The following SPI1 variants were observed in gnomAD, a reference collection of about 807,000 sequenced individuals.
SPI1 encodes transcription factor PU.1.
A neutral mutation model predicts 30.7 loss-of-function variants in SPI1; 3 were observed. That is an observed-to-expected ratio of 0.10 (90% CI 0.04 to 0.25). The LOEUF (loss-of-function observed/expected upper bound fraction) is 0.25, where lower values mean the gene tolerates loss of function less well. Ranked by LOEUF, SPI1 falls within the 10% of genes least tolerant of loss-of-function variation. SPI1 has a pLI of 1.00. For missense variants in SPI1, 261 were observed against 371.5 expected, an observed-to-expected ratio of 0.70 and a Z score of 2.45; for synonymous variants, 169 against 157.1, an observed-to-expected ratio of 1.08 and a Z score of -0.56.
chr11:47,365,697 TTTTTA>T (rs1565641144), intron 2 of SPI1, among the ~76,000 whole-genome samples: 1 of 151,880 alleles, frequency 6.6e-6, no homozygotes, highest in Non-Finnish European at 1.5e-5. Flanking sequence ...GCTGAGAGAT[TTTTTA>T]TTTTATTTTT....
In SPI1 at chr11:47,371,650, A is replaced by G. The variant is rs2095936171; in HGVS notation, c.142+3983T>C. On this transcript the variant is annotated intron_variant, in intron 2 of 4. Coordinates refer to ENST00000378538, the MANE Select transcript of SPI1 (RefSeq NM_003120.3). ...CCACTGCACTCCAGCCTGGGCAACAAGAGTGAAACTCCGTCTTAAAAAAAA... is the reference window on the plus strand; with the variant it reads ...CCACTGCACTCCAGCCTGGGCAACAGGAGTGAAACTCCGTCTTAAAAAAAA... 1.4e-5 allele frequency among the ~76,000 whole-genome samples: 2 copies of G among 147,106 alleles called. 1 individual carries two copies. Among genetic ancestry groups the G allele is most frequent in the South Asian group, 4.3e-4 (2 of 4,658 alleles).
rs2095945202 is a variant in SPI1 at position 47,378,362 on chromosome 11, G to A, written c.-9C>T. 1 of 1,611,986 alleles carries A rather than the reference G, an allele frequency of 6.2e-7. No homozygotes were observed. The highest frequency in any genetic ancestry group is 1.1e-5 in the South Asian group (1 of 90,616). Reference sequence around the variant, plus strand: ...TTGCACGCCTGTAACATCCAGCCGGGCTCCGAGTCGGTCAGATCCCCTGCC... The same window carrying A: ...TTGCACGCCTGTAACATCCAGCCGGACTCCGAGTCGGTCAGATCCCCTGCC... On this transcript the variant is annotated 5_prime_UTR_variant, in exon 1 of 5. Coordinates refer to ENST00000378538, the MANE Select transcript of SPI1 (RefSeq NM_003120.3).
chr11:47,366,479 G>T (rs1279430834), intron 2 of SPI1, among the ~76,000 whole-genome samples: 1 of 152,040 alleles, frequency 6.6e-6, no homozygotes, highest in African/African-American at 2.4e-5. Flanking sequence ...GAAAGGAGGG[G>T]CCAAGAAAAA....
intron 4 of SPI1, chr11:47,358,129 C>A: frequency 4.9e-6 from 1 of 205,114 alleles, no homozygotes; most frequent in South Asian, 8.2e-5. Context: ...TCACACACAC[C>A]TGCTTACATA....
chr11:47,369,209 G>A (rs536769944), intron 2 of SPI1, among the ~76,000 whole-genome samples: 5 of 152,204 alleles, frequency 3.3e-5, no homozygotes, highest in East Asian at 3.9e-4. Context: ...CCGAGATCAC[G>A]CCACTGCACT....
intron 4 of SPI1, among the ~76,000 whole-genome samples, chr11:47,357,126 CACCTCACACATGCTCACACCTCAT>C (rs1232692671): frequency 1.3e-5 from 2 of 151,212 alleles, no homozygotes; most frequent in African/African-American, 4.9e-5. Flanking sequence ...CACATGCTCA[CACCTCACACATGCTCACACCTCAT>C]ACCTCACACA....
At chr11:47,373,363 A>AC (rs1055748095) in intron 2 of SPI1, among the ~76,000 whole-genome samples, 5 of 147,074 alleles carry the variant, frequency 3.4e-5, no homozygotes, top group African/African-American at 1.3e-4. Context: ...AAAAAAAGGG[A>AC]CAGACTGGGC....
At chr11:47,376,830 G>C (rs1231386640) in intron 1 of SPI1, among the ~76,000 whole-genome samples, 1 of 152,086 alleles carries the variant, frequency 6.6e-6, no homozygotes, top group Non-Finnish European at 1.5e-5. Flanking sequence ...GGCTGCCTTG[G>C]GAGCCCACCC....
intron 4 of SPI1, chr11:47,358,410 A>T: frequency 1.6e-6 from 1 of 627,722 alleles, no homozygotes; most frequent in Non-Finnish European, 2.9e-6. Context: ...AGCTGCTCAC[A>T]CGCACTGAAA....
intron 4 of SPI1, among the ~76,000 whole-genome samples, chr11:47,356,909 CTT>C (rs1491428487): frequency 1.4e-5 from 2 of 141,190 alleles, no homozygotes; most frequent in African/African-American, 5.0e-5. Context: ...TGCTCACACA[CTT>C]GTGCTCACAC....
chr11:47,369,932 C>T lies in SPI1; in HGVS notation c.142+5701G>A, dbSNP rs571851129. Among the ~76,000 whole-genome samples the T allele has an allele frequency of 6.6e-5, 10 of 152,312 alleles. No individual in the cohort carries two copies. The East Asian group carries it at 1.2e-3, about 18-fold the overall frequency. ...TCTAAGCATTTGACATACAGTAGCT[C>T]GTTCAGTCCTTACAGCCATCCTGTG... is the stretch of plus-strand genomic sequence containing the variant. On this transcript the variant is annotated intron_variant, in intron 2 of 4. Transcript: ENST00000378538.
At chr11:47,367,355 A>G (rs1209758791) in intron 2 of SPI1, among the ~76,000 whole-genome samples, 3 of 152,010 alleles carry the variant, frequency 2.0e-5, no homozygotes, top group Non-Finnish European at 4.4e-5. Flanking sequence ...GGAGTTTGAG[A>G]CCAGCCTGGT....
chr11:47,360,773 C>A (rs1421318643), intron 2 of SPI1, among the ~76,000 whole-genome samples: 1 of 149,400 alleles, frequency 6.7e-6, no homozygotes, highest in Non-Finnish European at 1.5e-5. Context: ...AGCAGTGAGC[C>A]GAGATTGCGC....
chr11:47,372,088 G>T (rs190236622), intron 2 of SPI1, among the ~76,000 whole-genome samples: 4 of 151,860 alleles, frequency 2.6e-5, no homozygotes, highest in African/African-American at 9.7e-5. Context: ...TGCAGAAAAT[G>T]GTCTCTTTGT....
rs771705658 is a variant in SPI1, at chr11:47,355,506, G to A, written c.534C>T (p.Asp178=). ...CCTTCATGTCGCCGCTGCGGAGCAG[G>A]TCCAACAGGAACTGGTACAGGCGGA... The part of the protein sequence containing the change: ...KKIRLYQFLL[D]LLRSGDMKDS... The change falls in exon 5 of 5, where the codon GAC becomes GAT. Residue 178 remains aspartate, a synonymous_variant. Coordinates refer to ENST00000378538, the MANE Select transcript of SPI1 (RefSeq NM_003120.3). 1.9e-6 allele frequency: 3 copies of A among 1,608,798 alleles called. No homozygotes were observed. Among genetic ancestry groups the A allele is most frequent in the Non-Finnish European group, 2.5e-6 (3 of 1,177,336 alleles).
intron 2 of SPI1, among the ~76,000 whole-genome samples, chr11:47,360,536 T>C (rs930003945): frequency 1.1e-4 from 17 of 152,072 alleles, no homozygotes; most frequent in African/African-American, 3.6e-4. Context: ...TGTTAAAACC[T>C]CCCAGCCAGG....
At chr11:47,372,765 C>T (rs1019127551) in intron 2 of SPI1, among the ~76,000 whole-genome samples, 6 of 152,278 alleles carry the variant, frequency 3.9e-5, no homozygotes, top group Middle Eastern at 3.4e-3. Flanking sequence ...GTCCTCTGCA[C>T]GTTACCTTAC....
chr11:47,357,494 GCT>G (rs1245379857), intron 4 of SPI1, among the ~76,000 whole-genome samples: 5 of 150,552 alleles, frequency 3.3e-5, no homozygotes, highest in African/African-American at 7.3e-5. Context: ...CACACATTCT[GCT>G]CTCACATCCA....
Position 47,355,234 on chromosome 11 carries a change from G to A in SPI1, c.806C>T (p.Pro269Leu). Reference protein sequence around the residue: ...RGGLAERRHPPH With the variant: ...RGGLAERRHPLH ...CCGGCGGGGGCTGCGGGCTCAGTGG[G>A]GCGGGTGGCGCCGCTCGGCCAGGCC... The change falls in exon 5 of 5, where the codon CCC becomes CTC. Residue 269 changes from proline (P) to leucine (L), a missense_variant. By Grantham distance (98) the Pro-to-Leu change is moderately conservative. This residue lies in a region of SPI1 where 24 missense variants were observed against 20.9 expected (regional missense o/e 1.15). Coordinates refer to ENST00000378538, the MANE Select transcript of SPI1 (RefSeq NM_003120.3). The A allele has an allele frequency of 4.3e-6, 6 of 1,408,568 alleles. No homozygotes were observed. Among genetic ancestry groups the A allele is most frequent in the Non-Finnish European group, 5.5e-6 (6 of 1,085,120 alleles). The allele number at this position is 1,408,568 out of a possible 1,614,324, so 87.3% of individuals were successfully genotyped here.
Sources: allele counts gnomAD v4.1 joint callset (sites outside exome capture counted in the v4.1 genomes callset), GRCh38; gene constraint gnomAD v4.1.1; regional missense constraint gnomAD v4.1.1; transcripts MANE v1.5; gene names NCBI Gene and HGNC (gene_info 2026-07-23, HGNC 2026-07-21).